OSGIN2: variants seen among roughly 807,000 people sequenced by gnomAD.
The protein encoded by OSGIN2 is oxidative stress-induced growth inhibitor 2.
OSGIN2 carries 19 observed loss-of-function variants against 53.8 expected under a neutral mutation model. The ratio of observed to expected loss-of-function variants is 0.35; its 90% CI spans 0.25 to 0.52. OSGIN2 has a LOEUF of 0.52. Ranked by LOEUF, OSGIN2 falls within the 20% of genes least tolerant of loss-of-function variation. The pLI is 0.95. For missense variants in OSGIN2, 520 were observed against 662.7 expected, an observed-to-expected ratio of 0.78 and a Z score of 2.36; for synonymous variants, 236 against 236.0, an observed-to-expected ratio of 1.00 and a Z score of 0.00.
At position 89,924,938 on chromosome 8, in the gene OSGIN2, T is replaced by C. The variant is rs1390952039; in HGVS notation, c.1056T>C (p.Gly352=). Residue 352 remains glycine, a synonymous_variant, in exon 6 of 6, where the codon GGT becomes GGC. Transcript: ENST00000451899. The stretch of plus-strand genomic sequence containing the variant: ...AAGTGGATCCAGTGTTAATTGTAGG[T>C]TCTGGGCTTACTGCCGCTGACGCAG... ...RGKVDPVLIV[G]SGLTAADAVL... is the part of the protein sequence containing the mutation. 3 of 1,614,166 alleles carry C rather than the reference T, an allele frequency of 1.9e-6. No homozygotes were observed. Among genetic ancestry groups the C allele is most frequent in the Non-Finnish European group, 2.5e-6 (3 of 1,180,002 alleles).
Position 89,927,307 on chromosome 8 carries a change from AG to A in OSGIN2, c.*1776del, listed in dbSNP as rs945579162. ...GAGAGTATTTGTTAAAAAAAAAAAA[AG>A]ACTTCAAGAAAAATAAAAGTTCAGT... is the stretch of plus-strand genomic sequence containing the variant. On this transcript the variant is annotated 3_prime_UTR_variant, in exon 6 of 6. Coordinates refer to ENST00000451899, the MANE Select transcript of OSGIN2 (RefSeq NM_001126111.3). 4 of 151,642 alleles carry A rather than the reference AG, an allele frequency of 2.6e-5. No individual in the cohort carries two copies. The highest frequency in any genetic ancestry group is 9.7e-5 in the African/African-American group (4 of 41,372). The allele number at this position is 151,642 out of a possible 1,614,324, so 9.4% of individuals were successfully genotyped here. A position where few individuals can be genotyped will look rare whatever the true frequency, so the allele number is the denominator to read the frequency against.
Position 89,914,060 on chromosome 8 carries a change from C to T in OSGIN2, c.200-17C>T, listed in dbSNP as rs992056848. 2 of 1,606,724 alleles carry T rather than the reference C, an allele frequency of 1.2e-6. No homozygotes were observed. The highest frequency in any genetic ancestry group is 1.7e-6 in the Non-Finnish European group (2 of 1,176,238). ...AAGATGCATGACCTACCCCTTTCCA[C>T]CTTTTATTTTTAATAGGAAATGGAC... On this transcript the variant is annotated splice_polypyrimidine_tract_variant and intron_variant, in intron 2 of 5. Coordinates refer to ENST00000451899, the MANE Select transcript of OSGIN2 (RefSeq NM_001126111.3).
upstream of OSGIN2, chr8:89,902,047 T>A (rs1808727651): frequency 6.6e-6 from 1 of 152,254 alleles, no homozygotes. Flanking sequence ...TCCAGGTAAC[T>A]GTGATGCGGG....
In OSGIN2 at chr8:89,921,068, A is replaced by T. The variant is rs780618401; in HGVS notation, c.529-12A>T. 147 of 1,474,762 alleles carry T rather than the reference A, an allele frequency of 1.0e-4. No individual in the cohort carries two copies. Among genetic ancestry groups the T allele is most frequent in the Non-Finnish European group, 1.3e-4 (139 of 1,080,934 alleles). The allele number at this position is 1,474,762 out of a possible 1,614,324, so 91.4% of individuals were successfully genotyped here. On this transcript the variant is annotated splice_polypyrimidine_tract_variant and intron_variant, in intron 4 of 5. Coordinates refer to ENST00000451899, the MANE Select transcript of OSGIN2 (RefSeq NM_001126111.3). ...TTTTTGACGGTACATTTTTTTTTTTAAACTCTAATAGAATATGGAAGGCTC... is the reference window on the plus strand; with the variant it reads ...TTTTTGACGGTACATTTTTTTTTTTTAACTCTAATAGAATATGGAAGGCTC...
At chr8:89,902,417 G>A (rs1419045503), upstream of OSGIN2, 1 of 152,182 alleles carries the variant, frequency 6.6e-6, no homozygotes, top group Non-Finnish European at 1.5e-5. Context: ...GGCTCCATCA[G>A]GCCCGGCCCC....
chr8:89,921,952 C>T (rs1357175512), intron 5 of OSGIN2, among the ~76,000 whole-genome samples: 1 of 151,512 alleles, frequency 6.6e-6, no homozygotes, highest in African/African-American at 2.4e-5. Flanking sequence ...GGACTCCAGC[C>T]TGGGCAACAG....
At chr8:89,920,435 C>T (rs775337053) in intron 4 of OSGIN2, among the ~76,000 whole-genome samples, 14 of 152,108 alleles carry the variant, frequency 9.2e-5, no homozygotes, top group Middle Eastern at 3.2e-3. Flanking sequence ...GGTACTTGGC[C>T]TTTGGGCTTT....
At chr8:89,909,033 A>ATAT (rs1187160755) in intron 1 of OSGIN2, among the ~76,000 whole-genome samples, 6 of 114,924 alleles carry the variant, frequency 5.2e-5, no homozygotes, top group African/African-American at 2.5e-4. Context: ...AAAAAAAAAA[A>ATAT]AAAAATATAT....
chr8:89,921,028 C>T (rs1238060149), intron 4 of OSGIN2, 52 bp from the exon 5 acceptor site: 1 of 1,091,148 alleles, frequency 9.2e-7, no homozygotes, highest in Non-Finnish European at 1.4e-6. Context: ...CAAAAAAAAC[C>T]ATGTTACTTC....
intron 1 of OSGIN2, among the ~76,000 whole-genome samples, chr8:89,904,188 A>G (rs1808789029): frequency 6.6e-6 from 1 of 152,216 alleles, no homozygotes; most frequent in African/African-American, 2.4e-5. Flanking sequence ...TATCAGATTC[A>G]CTATGGAAAC....
chr8:89,921,775 C>T (rs1049990444), intron 5 of OSGIN2, among the ~76,000 whole-genome samples: 52 of 152,054 alleles, frequency 3.4e-4, no homozygotes, highest in Admixed American at 2.9e-3. Context: ...TGAGGTCAGG[C>T]GTTTGAGGCC....
chr8:89,920,692 C>A (rs184030599), intron 4 of OSGIN2, among the ~76,000 whole-genome samples: 1 of 152,252 alleles, frequency 6.6e-6, no homozygotes, highest in East Asian at 1.9e-4. Context: ...AATTTTGGAA[C>A]TTAATGAACA....
intron 4 of OSGIN2, among the ~76,000 whole-genome samples, chr8:89,915,584 C>A (rs932728378): frequency 2.6e-5 from 4 of 152,332 alleles, no homozygotes; most frequent in East Asian, 1.9e-4. Context: ...TTCATCCTTC[C>A]TGTGTTCTTA....
chr8:89,909,550 C>CT lies in OSGIN2; in HGVS notation c.45-5dup, dbSNP rs371682094. ...TTGACTATATCTCTTTTTATTCCCC[C>CT]TTTTTTTTTTTTAAAGAAACTATAG... On this transcript the variant is annotated splice_polypyrimidine_tract_variant and intron_variant, in intron 1 of 5. Transcript: ENST00000451899. 78,353 of 1,021,074 alleles carry CT rather than the reference C, an allele frequency of 0.077. 129 individuals carry two copies. Among genetic ancestry groups the CT allele is most frequent in the Middle Eastern group, 0.091 (380 of 4,190 alleles). The allele number at this position is 1,021,074 out of a possible 1,614,324, so 63.3% of individuals were successfully genotyped here.
At position 89,924,813 on chromosome 8, in the gene OSGIN2, T is replaced by C; in HGVS notation, c.931T>C (p.Ser311Pro). ...AGCGCTGGCAACTGGAACGCTGGAT[T>C]CTCCTGCCCATCTGGAAATTGAAGG... ...NVALATGTLDSPAHLEIEGED... is the reference protein window; with the variant it reads ...NVALATGTLDPPAHLEIEGED... Residue 311 changes from serine (S) to proline (P), a missense_variant, in exon 6 of 6, where the codon TCT (serine) becomes CCT (proline). Ser to Pro is a moderately conservative substitution (Grantham distance 74, BLOSUM62 -1). Transcript: ENST00000451899. The C allele has an allele frequency of 6.2e-7, 1 of 1,614,154 alleles. No individual in the cohort carries two copies. The highest frequency in any genetic ancestry group is 1.3e-5 in the African/African-American group (1 of 75,060).
At chr8:89,911,730 C>T (rs943471045) in intron 2 of OSGIN2, among the ~76,000 whole-genome samples, 5 of 150,872 alleles carry the variant, frequency 3.3e-5, no homozygotes, top group Admixed American at 6.6e-5. Context: ...GTCAGGAGAT[C>T]GAGACCATCC....
At chr8:89,907,254 GTTAGT>G (rs1266237153) in intron 1 of OSGIN2, among the ~76,000 whole-genome samples, 20 of 150,884 alleles carry the variant, frequency 1.3e-4, no homozygotes, top group African/African-American at 4.4e-4. Context: ...GCAGAAGCTC[GTTAGT>G]TTAATTAGAT....
In OSGIN2 at chr8:89,925,305, C is replaced by T; in HGVS notation, c.1423C>T (p.His475Tyr). The change falls in exon 6 of 6, where the codon CAT becomes TAT. Residue 475 changes from histidine to tyrosine, a missense_variant. Transcript: ENST00000451899. ...FLKDQGCYLG[H>Y]KSSQPITCKG... ...GAAGGATCAAGGGTGTTACCTAGGC[C>T]ATAAGTCAAGCCAGCCAATCACATG... The T allele has an allele frequency of 6.2e-7, 1 of 1,614,060 alleles. No individual in the cohort carries two copies. The highest frequency in any genetic ancestry group is 1.3e-5 in the African/African-American group (1 of 75,034).
chr8:89,922,904 C>G (rs1248093732), intron 5 of OSGIN2, among the ~76,000 whole-genome samples: 4 of 152,020 alleles, frequency 2.6e-5, no homozygotes, highest in Non-Finnish European at 5.9e-5. Context: ...GTACTGAATA[C>G]TATAGGCAGT....
Sources: allele counts gnomAD v4.1 joint callset (sites outside exome capture counted in the v4.1 genomes callset), GRCh38; gene constraint gnomAD v4.1.1; transcripts MANE v1.5; gene names NCBI Gene and HGNC (gene_info 2026-07-23, HGNC 2026-07-21).